ACTR3C: variants seen among roughly 807,000 people sequenced by gnomAD.
The protein encoded by ACTR3C is actin related protein 3C, also known as actin-related protein 3C.
A neutral mutation model predicts 26.3 loss-of-function variants in ACTR3C; 18 were observed. That is an observed-to-expected ratio of 0.68 (90% CI 0.47 to 1.01). The LOEUF (loss-of-function observed/expected upper bound fraction) is 1.01, where lower values mean the gene tolerates loss of function less well. Among genes scored for constraint, ACTR3C ranks in the 50% least tolerant of loss-of-function variants. The pLI is 0.00. For missense variants in ACTR3C, 184 were observed against 250.7 expected (o/e 0.73, Z 1.80); for synonymous variants, 55 against 94.5 (o/e 0.58, Z 2.42).
At chr7:150,145,195 C>A in the ACTR3C span, among the ~76,000 whole-genome samples, 3 of 152,046 alleles carry the variant, frequency 2.0e-5, no homozygotes, top group Non-Finnish European at 4.4e-5. Context: ...ATAAGCCAAC[C>A]TGATGAGGAA....
At chr7:150,040,333 C>T in the ACTR3C span, among the ~76,000 whole-genome samples, 5 of 147,642 alleles carry the variant, frequency 3.4e-5, no homozygotes, top group Non-Finnish European at 4.5e-5. Flanking sequence ...CTCTCTCTGA[C>T]GCATACAATG....
the ACTR3C span, among the ~76,000 whole-genome samples, chr7:150,028,037 A>C: frequency 6.6e-6 from 1 of 152,296 alleles, no homozygotes; most frequent in Non-Finnish European, 1.5e-5. Context: ...AAAAAGAAAA[A>C]TAGCCACCAG....
chr7:150,216,913 G>A, the ACTR3C span, among the ~76,000 whole-genome samples: 1 of 147,312 alleles, frequency 6.8e-6, no homozygotes, highest in Non-Finnish European at 1.5e-5. Context: ...TTGAACCTGG[G>A]AGGTGGAGGA....
chr7:150,035,000 TG>T, the ACTR3C span, among the ~76,000 whole-genome samples: 1 of 134,056 alleles, frequency 7.5e-6, no homozygotes, highest in Non-Finnish European at 1.6e-5. Flanking sequence ...CCTCCTGTGA[TG>T]GGGGTCCTCA....
intron 6 of ACTR3C, among the ~76,000 whole-genome samples, chr7:150,250,202 C>CTTGATT (rs1554449993): frequency 2.4e-5 from 3 of 125,472 alleles, no homozygotes; most frequent in African/African-American, 1.0e-4. Flanking sequence ...CAGAATCTGA[C>CTTGATT]TTTTTTTTTT....
downstream of ACTR3C, chr7:150,245,867 T>G (rs1166266922): frequency 6.6e-6 from 1 of 152,200 alleles, no homozygotes; most frequent in Non-Finnish European, 1.5e-5. Context: ...TTGAGGCTTG[T>G]GTAGGATTTA....
the ACTR3C span, among the ~76,000 whole-genome samples, chr7:150,069,914 G>C: frequency 2.0e-5 from 3 of 152,096 alleles, no homozygotes; most frequent in African/African-American, 7.2e-5. Context: ...CCTATGGCTG[G>C]GAGTGGGGAA....
chr7:150,273,285 T>C (rs1270975334), intron 6 of ACTR3C, among the ~76,000 whole-genome samples: 5 of 115,474 alleles, frequency 4.3e-5, no homozygotes, highest in Middle Eastern at 3.6e-3. Flanking sequence ...AGACCAACCT[T>C]TTTTTTTTTT....
rs114201879 is a variant in ACTR3C at position 150,308,733 on chromosome 7, C to T, written c.-51-13386G>A. Reference sequence around the variant, plus strand: ...CCCCACCTTATAATTCTTCTATCACCTCCCCTCCTCACACTCAGTCTGGCT... The same window carrying T: ...CCCCACCTTATAATTCTTCTATCACTTCCCCTCCTCACACTCAGTCTGGCT... On this transcript the variant is annotated intron_variant, in intron 1 of 7. Transcript: ENST00000683684. Among the ~76,000 whole-genome samples the T allele has an allele frequency of 6.7e-3, 1,019 of 152,206 alleles. 17 individuals are homozygous for T. Among genetic ancestry groups the T allele is most frequent in the African/African-American group, 0.023 (935 of 41,532 alleles).
the ACTR3C span, among the ~76,000 whole-genome samples, chr7:150,115,339 C>G: frequency 1.3e-5 from 2 of 152,196 alleles, no homozygotes; most frequent in African/African-American, 4.8e-5. Flanking sequence ...ACATGATCAG[C>G]TGGGGATGCC....
At chr7:150,310,755 C>T (rs1349590225) in intron 1 of ACTR3C, among the ~76,000 whole-genome samples, 1 of 152,168 alleles carries the variant, frequency 6.6e-6, no homozygotes, top group Non-Finnish European at 1.5e-5. Flanking sequence ...CAGGCCCTCT[C>T]TCATGACTTT....
Position 150,274,778 on chromosome 7 carries a change from C to T in ACTR3C, c.564+9975G>A, listed in dbSNP as rs750599083. Among the ~76,000 whole-genome samples the T allele has an allele frequency of 2.6e-5, 4 of 152,310 alleles. No individual in the cohort carries two copies. The East Asian group carries it at 5.8e-4, about 22-fold the overall frequency. ...AAACTAAAAATAATACTGCTCAAAACGCTTCCCACAAAAGCCAAAAGCCAA... is the reference window on the plus strand; with the variant it reads ...AAACTAAAAATAATACTGCTCAAAATGCTTCCCACAAAAGCCAAAAGCCAA... On this transcript the variant is annotated intron_variant, in intron 6 of 7. Coordinates refer to ENST00000683684, the MANE Select transcript of ACTR3C (RefSeq NM_001164458.2). The surrounding 1 kb of genome is among the most constrained non-coding windows in gnomAD (Gnocchi z 4.1).
chr7:150,232,799 G>A, the ACTR3C span, among the ~76,000 whole-genome samples: 1 of 150,064 alleles, frequency 6.7e-6, no homozygotes, highest in Admixed American at 6.6e-5. Flanking sequence ...CTCCAGCCTG[G>A]GTGACAGAGT....
At chr7:150,093,888 G>T in the ACTR3C span, among the ~76,000 whole-genome samples, 2 of 150,874 alleles carry the variant, frequency 1.3e-5, no homozygotes, top group Non-Finnish European at 2.9e-5. Context: ...CAAACAATTA[G>T]TTATCGAGGG....
the ACTR3C span, among the ~76,000 whole-genome samples, chr7:150,023,134 C>CAT: frequency 8.2e-6 from 1 of 122,134 alleles, no homozygotes; most frequent in Admixed American, 8.6e-5. Context: ...TATCTATATA[C>CAT]ATATATATAG....
chr7:150,129,989 C>G, the ACTR3C span, among the ~76,000 whole-genome samples: 1 of 152,040 alleles, frequency 6.6e-6, no homozygotes, highest in East Asian at 1.9e-4. Flanking sequence ...TCAAATAGAT[C>G]AATGGAACAG....
chr7:150,308,284 G>A (rs1446375640), intron 1 of ACTR3C, among the ~76,000 whole-genome samples: 58 of 151,894 alleles, frequency 3.8e-4, no homozygotes, highest in Non-Finnish European at 7.4e-5. Context: ...CTTAGCCTGT[G>A]TTCTTAAAAA....
the ACTR3C span, among the ~76,000 whole-genome samples, chr7:150,035,017 AG>A: frequency 9.1e-5 from 12 of 132,140 alleles, 2 homozygotes; most frequent in Admixed American, 6.2e-4. Flanking sequence ...CCTCAGAGCC[AG>A]GGGGGGAAGA....
At chr7:150,028,574 C>T in the ACTR3C span, among the ~76,000 whole-genome samples, 756 of 151,798 alleles carry the variant, frequency 5.0e-3, no homozygotes, top group African/African-American at 0.017. Context: ...AGGCTGATCC[C>T]GTGGGCACCT....
Sources: gnomAD v4.1 joint callset for allele counts (sites outside exome capture counted in the v4.1 genomes callset) on GRCh38, gnomAD v4.1.1 for gene constraint, Gnocchi (gnomAD v3.1) non-coding constraint, MANE v1.5 for transcripts, NCBI Gene and HGNC (gene_info 2026-07-23, HGNC 2026-07-21) for gene names.